ZNF568: variants seen among roughly 807,000 people sequenced by gnomAD.
The protein encoded by ZNF568 is zinc finger protein 568, also known as p53 inhibitor of SCO2 activation.
ZNF568 carries 11 observed loss-of-function variants against 18.1 expected under a neutral mutation model. The ratio of observed to expected loss-of-function variants is 0.61; its 90% confidence interval spans 0.38 to 1.00. ZNF568 has a LOEUF of 1.00. Ranked by LOEUF, ZNF568 falls within the 50% of genes least tolerant of loss-of-function variation. The probability of loss-of-function intolerance (pLI) is 0.01; values close to 1 mark genes in which losing one functional copy is unlikely to be tolerated. For synonymous variants in ZNF568, 213 were observed against 246.6 expected, an observed-to-expected ratio of 0.86 and a Z score of 1.28; for missense variants, 639 against 768.2, an observed-to-expected ratio of 0.83 and a Z score of 1.99.
chr19:36,974,556 C>A, intron 7 of ZNF568: 1 of 1,319,016 alleles, frequency 7.6e-7, no homozygotes, highest in Non-Finnish European at 1.1e-6. Flanking sequence ...TATTTACATT[C>A]ATGATTTGGA....
intron 6 of ZNF568, among the ~76,000 whole-genome samples, chr19:36,965,348 T>C (rs991941521): frequency 6.6e-6 from 1 of 152,072 alleles, no homozygotes; most frequent in South Asian, 2.1e-4. Flanking sequence ...GCAAAAATAT[T>C]TGGGGGTAAT....
chr19:36,951,082 A>G lies in ZNF568; in HGVS notation c.1929A>G (p.Val643=), dbSNP rs752702238. 52 of 1,509,590 alleles carry G rather than the reference A, an allele frequency of 3.4e-5. 2 individuals carry two copies. The highest frequency in any genetic ancestry group is 3.2e-4 in the South Asian group (23 of 71,944). 93.5% of individuals were successfully genotyped at this position (1,509,590 alleles called of 1,614,324 possible). ...KRGHTGERHQ[V]Y The stretch of plus-strand genomic sequence containing the variant: ...GTCATACAGGTGAGAGACACCAAGT[A>G]TATTAAATGAAAGAAGGCCTCTTAA... The change falls in exon 7 of 7, where the codon GTA becomes GTG. Residue 643 remains valine, a synonymous_variant. Transcript: ENST00000333987.
At chr19:36,967,894 G>A (rs537211743) in intron 6 of ZNF568, among the ~76,000 whole-genome samples, 90 of 152,230 alleles carry the variant, frequency 5.9e-4, no homozygotes, top group African/African-American at 2.0e-3. Flanking sequence ...AGGTGTTTTT[G>A]CCCCATTAGT....
chr19:36,974,915 C>T (rs1235694198), intron 7 of ZNF568, among the ~76,000 whole-genome samples: 2 of 150,944 alleles, frequency 1.3e-5, no homozygotes, highest in Non-Finnish European at 2.9e-5. Context: ...CAACCTCCGC[C>T]TCCTCGGTTC....
chr19:36,966,845 C>A (rs1288266941), intron 6 of ZNF568, among the ~76,000 whole-genome samples: 1 of 152,230 alleles, frequency 6.6e-6, no homozygotes, highest in Non-Finnish European at 1.5e-5. Context: ...GCATATCTGG[C>A]CTGGGCCTGG....
At chr19:36,996,210 A>G in intron 4 of ZNF568, 1 of 939,008 alleles carries the variant, frequency 1.1e-6, no homozygotes, top group Non-Finnish European at 1.5e-6. Context: ...ATTGCAGTGT[A>G]AAGAATTGCT....
At chr19:36,932,045 T>C (rs554094477) in intron 4 of ZNF568, among the ~76,000 whole-genome samples, 2 of 152,366 alleles carry the variant, frequency 1.3e-5, no homozygotes, top group South Asian at 4.1e-4. Context: ...GTTTCATGCA[T>C]TTTGTAGCTT....
At chr19:36,930,646 A>G (rs993737621) in intron 4 of ZNF568, among the ~76,000 whole-genome samples, 3 of 152,114 alleles carry the variant, frequency 2.0e-5, no homozygotes, top group African/African-American at 2.4e-5. Context: ...GTTGTGGTGT[A>G]TATTCCAGAG....
At chr19:36,923,532 A>G (rs2073494341) in intron 3 of ZNF568, among the ~76,000 whole-genome samples, 1 of 151,510 alleles carries the variant, frequency 6.6e-6, no homozygotes, top group East Asian at 1.9e-4. Context: ...TCATCTTGCA[A>G]TATGAGAACT....
intron 4 of ZNF568, among the ~76,000 whole-genome samples, chr19:36,993,727 A>G (rs986490196): frequency 1.3e-5 from 2 of 152,006 alleles, no homozygotes; most frequent in African/African-American, 2.4e-5. Flanking sequence ...TTTTATTTCT[A>G]TAAGGTCAGT....
Position 36,968,678 on chromosome 19 carries a change from TG to T in ZNF568, c.359-5740del, listed in dbSNP as rs576593351. ...GAAAAATAACTACAATGGAGACATG[TG>T]GCCATTACCATCTTAGCCAAGTGAT... On this transcript the variant is annotated intron_variant, in intron 6 of 7. Coordinates refer to the ZNF568 transcript ENST00000427117. 4.6e-5 allele frequency among the ~76,000 whole-genome samples: 7 copies of T among 151,630 alleles called. No individual in the cohort carries two copies. In the East Asian group the frequency reaches 1.4e-3, roughly 29 times the overall value.
intron 6 of ZNF568, among the ~76,000 whole-genome samples, chr19:36,939,424 ATCTCTGGGTTTC>A (rs1270985862): frequency 6.6e-6 from 1 of 151,174 alleles, no homozygotes; most frequent in Non-Finnish European, 1.5e-5. Flanking sequence ...AGGAACTGCT[ATCTCTGGGTTTC>A]TTCCCTGCCT....
intron 2 of ZNF568, among the ~76,000 whole-genome samples, chr19:36,919,579 A>G (rs1600758444): frequency 6.6e-6 from 1 of 152,138 alleles, no homozygotes; most frequent in East Asian, 1.9e-4. Context: ...TAAGGCTGTA[A>G]TGCCACCACT....
At chr19:36,975,985 C>T (rs563924444) in intron 7 of ZNF568, among the ~76,000 whole-genome samples, 2 of 152,286 alleles carry the variant, frequency 1.3e-5, no homozygotes, top group Non-Finnish European at 2.9e-5. Context: ...TAAGCCACCA[C>T]GCCTGGCCTC....
chr19:36,971,051 T>C (rs1423958187), intron 6 of ZNF568, among the ~76,000 whole-genome samples: 1 of 152,034 alleles, frequency 6.6e-6, no homozygotes, highest in Non-Finnish European at 1.5e-5. Flanking sequence ...GAAACCAGCC[T>C]GGCCAACGTG....
At chr19:36,992,319 T>A (rs1218215391) in intron 4 of ZNF568, among the ~76,000 whole-genome samples, 1 of 150,248 alleles carries the variant, frequency 6.7e-6, no homozygotes, top group Non-Finnish European at 1.5e-5. Context: ...CTGGCCAACA[T>A]GGTGAAACCC....
chr19:36,996,724 A>G (rs762554190), exon 5 of ZNF568: 1 of 1,537,134 alleles, frequency 6.5e-7, no homozygotes, highest in Non-Finnish European at 8.7e-7. Context: ...TGAAAATAAC[A>G]AATGTGCCTT....
At chr19:36,971,107 C>T (rs1375854767) in intron 6 of ZNF568, among the ~76,000 whole-genome samples, 2 of 152,032 alleles carry the variant, frequency 1.3e-5, no homozygotes, top group Non-Finnish European at 2.9e-5. Context: ...CAGGCGGGCA[C>T]CTGTAATCCC....
At chr19:36,991,252 T>C (rs1270643332) in exon 3 of ZNF568, 1 of 1,535,910 alleles carries the variant, frequency 6.5e-7, no homozygotes, top group Admixed American at 2.0e-5. Flanking sequence ...CAGAAGGATT[T>C]GTACCGAGAT....
Sources: gnomAD v4.1 joint callset for allele counts (sites outside exome capture counted in the v4.1 genomes callset) on GRCh38, gnomAD v4.1.1 for gene constraint, MANE v1.5 for transcripts, NCBI Gene and HGNC (gene_info 2026-07-23, HGNC 2026-07-21) for gene names.